SORCS1: variants seen among roughly 807,000 people sequenced by gnomAD.
SORCS1 encodes VPS10 domain-containing receptor SorCS1.
SORCS1 carries 60 observed loss-of-function variants against 146.1 expected under a neutral mutation model. The ratio of observed to expected loss-of-function variants is 0.41; its 90% confidence interval spans 0.33 to 0.51. The LOEUF (loss-of-function observed/expected upper bound fraction) is 0.51, where lower values mean the gene tolerates loss of function less well. Ranked by LOEUF, SORCS1 falls within the 20% of genes least tolerant of loss-of-function variation. SORCS1 has a pLI of 0.21. For synonymous variants in SORCS1, 637 were observed against 584.0 expected (o/e 1.09, Z -1.31); for missense variants, 1,352 against 1,487.6 (o/e 0.91, Z 1.50).
chr10:106,653,967 T>C (rs1215766380), intron 17 of SORCS1, among the ~76,000 whole-genome samples: 1 of 152,218 alleles, frequency 6.6e-6, no homozygotes, highest in Non-Finnish European at 1.5e-5. Context: ...GCTAATTTTA[T>C]TCTGCTTTCC....
At chr10:107,115,024 T>C (rs1022770685) in intron 1 of SORCS1, among the ~76,000 whole-genome samples, 6 of 151,932 alleles carry the variant, frequency 3.9e-5, no homozygotes, top group Non-Finnish European at 7.4e-5. Context: ...AAAAATAAGA[T>C]ACTTAAGATA....
intron 2 of SORCS1, among the ~76,000 whole-genome samples, chr10:106,874,155 G>A (rs1289543802): frequency 6.6e-6 from 1 of 152,130 alleles, no homozygotes; most frequent in African/African-American, 2.4e-5. Flanking sequence ...ACTCTGTCTG[G>A]ACCCCACAAT....
intron 21 of SORCS1, 84 bp downstream of exon 21, chr10:106,618,065 G>A (rs571362627): frequency 6.4e-7 from 1 of 1,561,766 alleles, no homozygotes; most frequent in African/African-American, 1.4e-5. Context: ...AGTCACAGCT[G>A]GGGGATGGTC....
chr10:107,158,136 G>A (rs780667269), intron 1 of SORCS1, among the ~76,000 whole-genome samples: 1 of 152,090 alleles, frequency 6.6e-6, no homozygotes, highest in African/African-American at 2.4e-5. Context: ...AAAGTATCAA[G>A]GTAAAAATGA....
rs1237505813 is a variant in SORCS1 at position 107,014,271 on chromosome 10, A to G, written c.559-57691T>C. On this transcript the variant is annotated intron_variant, in intron 1 of 25. Coordinates refer to ENST00000263054, the MANE Select transcript of SORCS1 (RefSeq NM_052918.5). ...CCTGCGTCAAAAAAAAAAAAAAAAA[A>G]AGAAAAGAAAAAAAGAGAGAGAGAG... is the stretch of plus-strand genomic sequence containing the variant. 7.2e-4 allele frequency among the ~76,000 whole-genome samples: 97 copies of G among 134,060 alleles called. 3 individuals are homozygous for G. The highest frequency in any genetic ancestry group is 2.1e-3 in the African/African-American group (55 of 26,532). 87.9% of individuals were successfully genotyped at this position (134,060 alleles called of 152,430 possible).
At chr10:106,776,451 G>T in intron 4 of SORCS1, 83 bp downstream of exon 4, 1 of 1,538,048 alleles carries the variant, frequency 6.5e-7, no homozygotes. Flanking sequence ...GATCACTGAG[G>T]TGAAATGGAG....
intron 1 of SORCS1, among the ~76,000 whole-genome samples, chr10:107,138,395 ATG>A (rs1354313373): frequency 2.0e-5 from 3 of 152,208 alleles, no homozygotes; most frequent in East Asian, 1.9e-4. Flanking sequence ...TCCAAAGAGA[ATG>A]TGTTTTCTTA....
At chr10:106,635,417 A>T (rs1431083956) in intron 18 of SORCS1, among the ~76,000 whole-genome samples, 1 of 152,222 alleles carries the variant, frequency 6.6e-6, no homozygotes, top group East Asian at 1.9e-4. Context: ...AAAAATAAGC[A>T]ACAAATAACA....
chr10:106,916,056 T>C (rs542427138), intron 2 of SORCS1, among the ~76,000 whole-genome samples: 1 of 152,358 alleles, frequency 6.6e-6, no homozygotes, highest in South Asian at 2.1e-4. Flanking sequence ...CTCTTGCTCA[T>C]CACTTTACTG....
intron 2 of SORCS1, among the ~76,000 whole-genome samples, chr10:106,881,780 T>C (rs865779205): frequency 8.5e-5 from 13 of 152,244 alleles, no homozygotes; most frequent in Admixed American, 2.6e-4. Flanking sequence ...CCCGATATCC[T>C]ATTTATCCCC....
At chr10:106,671,129 G>T in intron 16 of SORCS1, 108 bp downstream of exon 16, 1 of 1,442,706 alleles carries the variant, frequency 6.9e-7, no homozygotes, top group Non-Finnish European at 9.5e-7. Context: ...TATGAAGCTG[G>T]CCACTTAGCC....
At chr10:107,114,708 A>T (rs1292460552) in intron 1 of SORCS1, among the ~76,000 whole-genome samples, 1 of 152,116 alleles carries the variant, frequency 6.6e-6, no homozygotes, top group Non-Finnish European at 1.5e-5. Flanking sequence ...ACAAGCATAC[A>T]CACTCTCATC....
At chr10:106,805,169 G>A (rs1347090260) in intron 3 of SORCS1, among the ~76,000 whole-genome samples, 3 of 152,142 alleles carry the variant, frequency 2.0e-5, no homozygotes, top group South Asian at 4.1e-4. Context: ...CTTGCTAATG[G>A]ACATCATAGC....
At chr10:106,986,524 GTGTGTGTGTGTGTGTGTGTGTGTGTC>G (rs1248064565) in intron 1 of SORCS1, among the ~76,000 whole-genome samples, 3 of 88,370 alleles carry the variant, frequency 3.4e-5, no homozygotes, top group Non-Finnish European at 9.0e-5. Context: ...GTGTGTGTGT[GTGTGTGTGTGTGTGTGTGTGTGTGTC>G]TGTGAGTGTG....
At chr10:106,656,526 C>T (rs868676181) in intron 17 of SORCS1, among the ~76,000 whole-genome samples, 13 of 151,596 alleles carry the variant, frequency 8.6e-5, no homozygotes, top group South Asian at 8.3e-4. Flanking sequence ...ACTGCACTCC[C>T]GAGCGAGATT....
At chr10:106,672,500 T>G (rs996734899) in intron 15 of SORCS1, among the ~76,000 whole-genome samples, 2 of 152,162 alleles carry the variant, frequency 1.3e-5, no homozygotes, top group African/African-American at 4.8e-5. Flanking sequence ...TGTCTCTGCT[T>G]GCATTGCTAG....
intron 12 of SORCS1, among the ~76,000 whole-genome samples, chr10:106,678,056 G>C (rs1048939114): frequency 6.6e-6 from 1 of 152,188 alleles, no homozygotes; most frequent in Non-Finnish European, 1.5e-5. Context: ...GTCAAATGGA[G>C]ACACAATGGA....
At chr10:106,837,192 A>G (rs1361458123) in intron 2 of SORCS1, among the ~76,000 whole-genome samples, 2 of 152,192 alleles carry the variant, frequency 1.3e-5, no homozygotes, top group African/African-American at 4.8e-5. Context: ...TTCTAGCTTC[A>G]TTATAATCCA....
chr10:106,756,440 C>G (rs537702716), intron 5 of SORCS1, among the ~76,000 whole-genome samples: 8 of 152,214 alleles, frequency 5.3e-5, no homozygotes, highest in Middle Eastern at 3.4e-3. Context: ...TAGTAAATGG[C>G]AATGCTAGAA....
Sources: allele counts gnomAD v4.1 joint callset (sites outside exome capture counted in the v4.1 genomes callset), GRCh38; gene constraint gnomAD v4.1.1; transcripts MANE v1.5; gene names NCBI Gene and HGNC (gene_info 2026-07-23, HGNC 2026-07-21).